Variants in ATF7IP2 observed in about 807,000 individuals in gnomAD.
ATF7IP2 encodes activating transcription factor 7 interacting protein 2.
In ATF7IP2, 42 loss-of-function variants were observed where a neutral mutation model predicts 64.2. The observed-to-expected ratio is 0.65, with a 90% CI of 0.51 to 0.85. The LOEUF (loss-of-function observed/expected upper bound fraction) is 0.85. Ranked by LOEUF, ATF7IP2 falls within the 40% of genes least tolerant of loss-of-function variation. The pLI, the probability that ATF7IP2 is intolerant of heterozygous loss-of-function variation, is 0.00. For synonymous variants in ATF7IP2, 308 were observed against 272.8 expected (o/e 1.13, Z -1.27); for missense variants, 933 against 784.2 (o/e 1.19, Z -2.27).
chr16:10,456,099 C>A (rs2049156963), intron 8 of ATF7IP2, among the ~76,000 whole-genome samples: 1 of 151,990 alleles, frequency 6.6e-6, no homozygotes, highest in African/African-American at 2.4e-5. Flanking sequence ...CGTGCCTTAG[C>A]CTCCTGAGTA....
In ATF7IP2 at chr16:10,443,281, A is replaced by C. The variant is rs565619810; in HGVS notation, c.1194+2819A>C. 2.6e-5 allele frequency among the ~76,000 whole-genome samples: 4 copies of C among 152,284 alleles called. No individual in the cohort carries two copies. The South Asian group carries it at 8.3e-4, about 32-fold the overall frequency. Reference sequence around the variant, plus strand: ...TCCCTGTCATGAGAGACACAAAGTAAAATTGGCATCGTTAGATGGAAGCTG... The same window carrying C: ...TCCCTGTCATGAGAGACACAAAGTACAATTGGCATCGTTAGATGGAAGCTG... On this transcript the variant is annotated intron_variant, in intron 8 of 13. Transcript: ENST00000562102.
intron 1 of ATF7IP2, among the ~76,000 whole-genome samples, chr16:10,405,824 A>C (rs2047627344): frequency 6.6e-6 from 1 of 152,152 alleles, no homozygotes; most frequent in Admixed American, 6.6e-5. Flanking sequence ...TGAGCTGCCA[A>C]CTCTGTCCTT....
chr16:10,465,725 C>G (rs569153188), intron 9 of ATF7IP2, among the ~76,000 whole-genome samples: 3 of 149,040 alleles, frequency 2.0e-5, no homozygotes, highest in African/African-American at 7.4e-5. Context: ...GGCAACAGAA[C>G]GAGACTCCGG....
At chr16:10,426,342 C>T (rs986151423) in intron 3 of ATF7IP2, among the ~76,000 whole-genome samples, 4 of 152,158 alleles carry the variant, frequency 2.6e-5, no homozygotes, top group Admixed American at 6.5e-5. Context: ...CTTCACTGAA[C>T]GGGTTCTATG....
chr16:10,457,733 G>T (rs535278715), intron 9 of ATF7IP2: 15 of 377,800 alleles, frequency 4.0e-5, no homozygotes, highest in Non-Finnish European at 6.9e-5. Flanking sequence ...TTGAGATAGG[G>T]TCTCACTTTG....
chr16:10,423,340 T>C (rs10852310), intron 3 of ATF7IP2, among the ~76,000 whole-genome samples: 119,263 of 152,200 alleles, frequency 0.78, 47,388 homozygotes, highest in African/African-American at 0.91. Context: ...TGAACAGTCC[T>C]GTTACAAAAG....
chr16:10,408,333 A>G (rs954198466), intron 1 of ATF7IP2, among the ~76,000 whole-genome samples: 1 of 152,100 alleles, frequency 6.6e-6, no homozygotes, highest in Admixed American at 6.5e-5. Context: ...TATAATGACT[A>G]CTTTTCCTCT....
At chr16:10,463,807 A>C (rs1277824549) in intron 9 of ATF7IP2, among the ~76,000 whole-genome samples, 1 of 152,250 alleles carries the variant, frequency 6.6e-6, no homozygotes, top group Admixed American at 6.5e-5. Context: ...TCTATTCAGA[A>C]CTTGAGCAGA....
intron 6 of ATF7IP2, among the ~76,000 whole-genome samples, chr16:10,435,698 C>G (rs534310501): frequency 1.3e-5 from 2 of 152,300 alleles, no homozygotes; most frequent in African/African-American, 4.8e-5. Context: ...GTTTCTTGAG[C>G]TAATAGTTGA....
chr16:10,479,848 G>A (rs1200528571), intron 12 of ATF7IP2, among the ~76,000 whole-genome samples: 3 of 151,836 alleles, frequency 2.0e-5, no homozygotes, highest in African/African-American at 4.8e-5. Context: ...AGATGCTGGC[G>A]AGGATGTGGA....
At position 10,431,258 on chromosome 16, in the gene ATF7IP2, G is replaced by C. The variant is rs752608063; in HGVS notation, c.638G>C (p.Arg213Thr). Residue 213 changes from arginine (R) to threonine (T), a missense_variant, in exon 5 of 14, where the codon AGG (arginine) becomes ACG (threonine). Arg to Thr is a moderately conservative substitution (Grantham distance 71). Transcript: ENST00000562102. ...TCCAATTCAGAATCACATGATAAAA[G>C]GCAAAGTGACAACATTTTATGTTCA... ...TNSNSESHDK[R>T]QSDNILCSED... 2 of 1,613,988 alleles carry C rather than the reference G, an allele frequency of 1.2e-6. No individual in the cohort carries two copies. The highest frequency in any genetic ancestry group is 1.3e-5 in the African/African-American group (1 of 74,902).
At chr16:10,410,602 G>C (rs576000748) in intron 1 of ATF7IP2, among the ~76,000 whole-genome samples, 1 of 152,078 alleles carries the variant, frequency 6.6e-6, no homozygotes, top group Non-Finnish European at 1.5e-5. Context: ...CCTCTTTATC[G>C]ATTTGGATGC....
chr16:10,446,227 A>G (rs967860746), intron 8 of ATF7IP2: 9 of 152,106 alleles, frequency 5.9e-5, no homozygotes, highest in African/African-American at 1.9e-4. Context: ...AAATCTAAAC[A>G]CTCATGTTCA....
intron 1 of ATF7IP2, among the ~76,000 whole-genome samples, chr16:10,402,039 A>C (rs1014521672): frequency 4.0e-5 from 6 of 151,764 alleles, no homozygotes; most frequent in Admixed American, 3.3e-4. Flanking sequence ...ATTTTGTTTA[A>C]ATTTTCAAAG....
At chr16:10,467,738 A>C (rs987364324) in intron 9 of ATF7IP2, among the ~76,000 whole-genome samples, 2 of 151,766 alleles carry the variant, frequency 1.3e-5, no homozygotes, top group Non-Finnish European at 1.5e-5. Context: ...TTTTTAGCAG[A>C]GATGGGGTTT....
At chr16:10,442,112 G>A (rs1051049853) in intron 8 of ATF7IP2, among the ~76,000 whole-genome samples, 1 of 152,204 alleles carries the variant, frequency 6.6e-6, no homozygotes, top group African/African-American at 2.4e-5. Flanking sequence ...AAAGAACCAG[G>A]AAGTTTGTTT....
chr16:10,410,311 AGTTTT>A (rs71133350), intron 1 of ATF7IP2, among the ~76,000 whole-genome samples: 8,520 of 150,154 alleles, frequency 0.057, 274 homozygotes, highest in Middle Eastern at 0.17. Flanking sequence ...TATATTCCTA[AGTTTT>A]GTTTTGTTTT....
intron 1 of ATF7IP2, among the ~76,000 whole-genome samples, chr16:10,391,176 C>T (rs1286340765): frequency 6.9e-6 from 1 of 145,904 alleles, no homozygotes; most frequent in Non-Finnish European, 1.5e-5. Context: ...AAAAAATGTG[C>T]TGGGCGTGGG....
intron 2 of ATF7IP2, among the ~76,000 whole-genome samples, chr16:10,418,977 T>A (rs1055437765): frequency 5.3e-5 from 8 of 152,218 alleles, no homozygotes; most frequent in Admixed American, 4.6e-4. Context: ...GTACAATTTG[T>A]GCTAAACATC....
Sources: allele counts gnomAD v4.1 joint callset (sites outside exome capture counted in the v4.1 genomes callset), GRCh38; gene constraint gnomAD v4.1.1; transcripts MANE v1.5; gene names NCBI Gene and HGNC (gene_info 2026-07-23, HGNC 2026-07-21).